FBLN7: variants seen among roughly 807,000 people sequenced by gnomAD.
FBLN7 encodes the protein fibulin 7, also known as fibulin-7.
In FBLN7, 31 loss-of-function variants were observed where a neutral mutation model predicts 44.0. That is an observed-to-expected ratio of 0.70 (90% confidence interval 0.53 to 0.95). The LOEUF is 0.95. Among genes scored for constraint, FBLN7 ranks in the 40% least tolerant of loss-of-function variants. FBLN7 has a pLI of 0.00. For missense variants in FBLN7, 573 were observed against 618.5 expected, an observed-to-expected ratio of 0.93 and a Z score of 0.78; for synonymous variants, 262 against 253.4, an observed-to-expected ratio of 1.03 and a Z score of -0.32.
chr2:112,202,534 G>T, the FBLN7 span, among the ~76,000 whole-genome samples: 1 of 151,846 alleles, frequency 6.6e-6, no homozygotes, highest in Non-Finnish European at 1.5e-5. Context: ...GAACAGCAGA[G>T]TAAAAATCTT....
the FBLN7 span, chr2:112,211,448 G>T: frequency 6.6e-6 from 1 of 152,126 alleles, no homozygotes; most frequent in African/African-American, 2.4e-5. Context: ...AGGGGGCAAA[G>T]AACCACTCTT....
chr2:112,187,554 C>T lies in FBLN7; in HGVS notation c.*48C>T, dbSNP rs1375015717. The T allele has an allele frequency of 3.1e-6, 5 of 1,588,450 alleles. No homozygotes were observed. The highest frequency in any genetic ancestry group is 3.4e-4 in the Middle Eastern group (2 of 5,926). The stretch of plus-strand genomic sequence containing the variant: ...GTGGAGAGCTGACCTCATTTCTCTT[C>T]CCCGAAGGCTCAGCTTCGGGCACCG... On this transcript the variant is annotated 3_prime_UTR_variant, in exon 8 of 8. Transcript: ENST00000331203. The surrounding 1 kb of genome is among the most constrained non-coding windows in gnomAD (Gnocchi z 5.1).
chr2:112,186,763 G>A (rs745490428), intron 7 of FBLN7, among the ~76,000 whole-genome samples: 5 of 152,202 alleles, frequency 3.3e-5, no homozygotes, highest in South Asian at 2.1e-4. Flanking sequence ...GGGCGAGGTC[G>A]CAGCACATGG....
intron 6 of FBLN7, among the ~76,000 whole-genome samples, chr2:112,184,846 C>CACAT (rs1683188697): frequency 1.4e-5 from 2 of 147,838 alleles, no homozygotes; most frequent in African/African-American, 2.5e-5. Context: ...TACACACACA[C>CACAT]ATATATATAT....
At chr2:112,163,508 C>T (rs982737090) in intron 2 of FBLN7, among the ~76,000 whole-genome samples, 2 of 152,256 alleles carry the variant, frequency 1.3e-5, no homozygotes, top group African/African-American at 4.8e-5. Flanking sequence ...ATTCCCTCGT[C>T]GCCCATGCGT....
At position 112,138,526 on chromosome 2, in the gene FBLN7, C is replaced by T. The variant is rs548581268; in HGVS notation, c.-130C>T. On this transcript the variant is annotated 5_prime_UTR_variant, in exon 1 of 8. Coordinates refer to ENST00000331203, the MANE Select transcript of FBLN7 (RefSeq NM_153214.3). The stretch of plus-strand genomic sequence containing the variant: ...CGCTCGGGGCCTCCCGCCTCCCCCC[C>T]TGCCCCAGCCGCCCCCCGGCCGCGC... The T allele has an allele frequency of 2.8e-5, 37 of 1,326,044 alleles. No homozygotes were observed. The highest frequency in any genetic ancestry group is 1.6e-5 in the Non-Finnish European group (16 of 978,386). The allele number at this position is 1,326,044 out of a possible 1,614,324, so 82.1% of individuals were successfully genotyped here. A position where few individuals can be genotyped will look rare whatever the true frequency, so the allele number is the denominator to read the frequency against.
chr2:112,187,604 C>G lies in FBLN7; in HGVS notation c.*98C>G. The G allele has an allele frequency of 6.6e-7, 1 of 1,514,676 alleles. No individual in the cohort carries two copies. Among genetic ancestry groups the G allele is most frequent in the Middle Eastern group, 1.8e-4 (1 of 5,630 alleles). The allele number at this position is 1,514,676 out of a possible 1,614,324, so 93.8% of individuals were successfully genotyped here. ...GACTGCGTGGAGCCTCCCGCCTGTT[C>G]CCGCCCTCTCACCAGTGCACCCAGG... is the stretch of plus-strand genomic sequence containing the variant. On this transcript the variant is annotated 3_prime_UTR_variant, in exon 8 of 8. Transcript: ENST00000331203. This position sits in a 1 kb window ranked among gnomAD's most constrained non-coding sequence, Gnocchi z 5.1.
chr2:112,232,979 AG>A, the FBLN7 span, among the ~76,000 whole-genome samples: 1 of 152,224 alleles, frequency 6.6e-6, no homozygotes, highest in African/African-American at 2.4e-5. Context: ...GTGTCACAGT[AG>A]AAATTGTGAT....
At chr2:112,228,732 T>A in the FBLN7 span, among the ~76,000 whole-genome samples, 1 of 151,742 alleles carries the variant, frequency 6.6e-6, no homozygotes, top group African/African-American at 2.4e-5. Flanking sequence ...AAGAGAAAAC[T>A]GATAAACTGT....
Position 112,187,929 on chromosome 2 carries a change from C to A in FBLN7, c.*423C>A. 1 of 228,932 alleles carries A rather than the reference C, an allele frequency of 4.4e-6. No homozygotes were observed. Among genetic ancestry groups the A allele is most frequent in the Admixed American group, 5.1e-5 (1 of 19,542 alleles). The allele number at this position is 228,932 out of a possible 1,614,324, so 14.2% of individuals were successfully genotyped here. A position where few individuals can be genotyped will look rare whatever the true frequency, so the allele number is the denominator to read the frequency against. On this transcript the variant is annotated 3_prime_UTR_variant, in exon 8 of 8. Coordinates refer to ENST00000331203, the MANE Select transcript of FBLN7 (RefSeq NM_153214.3). The surrounding 1 kb of genome is among the most constrained non-coding windows in gnomAD (Gnocchi z 5.1). The stretch of plus-strand genomic sequence containing the variant: ...TATGAATGAAACGGTTCTAGTCGTG[C>A]GGGGGGCCCTAGTCATGCCTCTGCG...
the FBLN7 span, among the ~76,000 whole-genome samples, chr2:112,226,360 G>A: frequency 3.3e-5 from 5 of 151,678 alleles, no homozygotes; most frequent in South Asian, 6.2e-4. Context: ...AGGCTGAGGC[G>A]GGCAGATCAT....
chr2:112,235,967 A>C, the FBLN7 span, among the ~76,000 whole-genome samples: 1 of 147,564 alleles, frequency 6.8e-6, no homozygotes. Flanking sequence ...TCAAGGAGTG[A>C]CCAGGCACAG....
At chr2:112,160,760 G>GCA (rs1328466860) in intron 2 of FBLN7, among the ~76,000 whole-genome samples, 1 of 76,606 alleles carries the variant, frequency 1.3e-5, no homozygotes, top group Admixed American at 1.3e-4. Context: ...ACGCACACAC[G>GCA]CACGCACACG....
chr2:112,167,880 G>GTTAT (rs879267074), intron 3 of FBLN7, among the ~76,000 whole-genome samples: 6,765 of 147,250 alleles, frequency 0.046, 270 homozygotes, highest in African/African-American at 0.11. Context: ...GTTATGTTAT[G>GTTAT]TTATGTTATG....
intron 1 of FBLN7, among the ~76,000 whole-genome samples, chr2:112,141,092 G>T (rs1680624781): frequency 6.6e-6 from 1 of 152,194 alleles, no homozygotes; most frequent in South Asian, 2.1e-4. Context: ...TGCCGACCCC[G>T]CTACCTGCAC....
the FBLN7 span, among the ~76,000 whole-genome samples, chr2:112,222,174 T>C: frequency 6.6e-6 from 1 of 152,190 alleles, no homozygotes; most frequent in Non-Finnish European, 1.5e-5. Flanking sequence ...ATGTTTCTTT[T>C]GTTGAGTGTT....
At chr2:112,194,147 A>G in the FBLN7 span, among the ~76,000 whole-genome samples, 14 of 152,148 alleles carry the variant, frequency 9.2e-5, no homozygotes, top group African/African-American at 2.9e-4. Context: ...CTGGGCTGGG[A>G]TGACCTAAAG....
At chr2:112,219,110 T>C in the FBLN7 span, among the ~76,000 whole-genome samples, 1 of 152,222 alleles carries the variant, frequency 6.6e-6, no homozygotes, top group African/African-American at 2.4e-5. Context: ...GTCTTAAAAT[T>C]CATATGGGAT....
chr2:112,164,852 C>T (rs1395122349), intron 2 of FBLN7, 149 bp from the exon 3 acceptor site: 25 of 832,206 alleles, frequency 3.0e-5, no homozygotes, highest in African/African-American at 1.0e-4. Flanking sequence ...CTTGATGAGA[C>T]GCAGCATGCA....
Sources: gnomAD v4.1 joint callset for allele counts (sites outside exome capture counted in the v4.1 genomes callset) on GRCh38, gnomAD v4.1.1 for gene constraint, Gnocchi (gnomAD v3.1) non-coding constraint, MANE v1.5 for transcripts, NCBI Gene and HGNC (gene_info 2026-07-23, HGNC 2026-07-21) for gene names.